Variants in GAB2 observed in about 807,000 individuals in gnomAD.
GAB2 encodes the protein GRB2-associated-binding protein 2.
GAB2 carries 26 observed loss-of-function variants against 65.5 expected under a neutral mutation model. The ratio of observed to expected loss-of-function variants is 0.40; its 90% CI spans 0.29 to 0.55. GAB2 has a LOEUF of 0.55. Ranked by LOEUF, GAB2 falls within the 20% of genes least tolerant of loss-of-function variation. The pLI is 0.53. For missense variants in GAB2, 884 were observed against 875.8 expected, an observed-to-expected ratio of 1.01 and a Z score of -0.12; for synonymous variants, 321 against 329.6, an observed-to-expected ratio of 0.97 and a Z score of 0.28.
intron 1 of GAB2, among the ~76,000 whole-genome samples, chr11:78,370,601 C>T (rs1427532141): frequency 6.6e-6 from 1 of 152,068 alleles, no homozygotes; most frequent in Non-Finnish European, 1.5e-5. Context: ...GAAACCAAGG[C>T]TATATGCATC....
At chr11:78,397,669 G>T (rs1024523994) in intron 1 of GAB2, among the ~76,000 whole-genome samples, 1 of 151,954 alleles carries the variant, frequency 6.6e-6, no homozygotes, top group African/African-American at 2.4e-5. Context: ...AATCTCTTCC[G>T]GACTCCTATG....
At chr11:78,366,189 G>C (rs758034518) in intron 1 of GAB2, among the ~76,000 whole-genome samples, 1 of 152,194 alleles carries the variant, frequency 6.6e-6, no homozygotes, top group Admixed American at 6.5e-5. Context: ...ACATTATCAA[G>C]TATTAGCTGT....
intron 1 of GAB2, among the ~76,000 whole-genome samples, chr11:78,303,387 A>G (rs952405413): frequency 6.6e-6 from 1 of 152,194 alleles, no homozygotes; most frequent in Non-Finnish European, 1.5e-5. Context: ...TTACACATGG[A>G]TATCCAGCTG....
At position 78,309,926 on chromosome 11, in the gene GAB2, A is replaced by ATGTGTG. The variant is rs60718900; in HGVS notation, c.76-29031_76-29026dup. On this transcript the variant is annotated intron_variant, in intron 1 of 9. Coordinates refer to ENST00000361507, the MANE Select transcript of GAB2 (RefSeq NM_080491.3). The stretch of plus-strand genomic sequence containing the variant: ...CGGTTCACTTTGGGGAGGGTTAGAA[A>ATGTGTG]TGTGTGTGTGTGTGTGTGTGTGTGT... 4.3e-3 allele frequency among the ~76,000 whole-genome samples: 587 copies of ATGTGTG among 135,682 alleles called. 1 individual carries two copies. Among genetic ancestry groups the ATGTGTG allele is most frequent in the Middle Eastern group, 0.015 (4 of 264 alleles). 89.0% of individuals were successfully genotyped at this position (135,682 alleles called of 152,430 possible). A position where few individuals can be genotyped will look rare whatever the true frequency, so the allele number is the denominator to read the frequency against.
Position 78,219,014 on chromosome 11 carries a change from CCTAA to C in GAB2, c.*254_*257del, listed in dbSNP as rs1394049037. On this transcript the variant is annotated 3_prime_UTR_variant, in exon 10 of 10. Coordinates refer to ENST00000361507, the MANE Select transcript of GAB2 (RefSeq NM_080491.3). ...TGAAGGATGCTTTTTGGAAGTAGCTCCTAACTAAGGTGGGTGGAGGCATGGCCAT... is the reference window on the plus strand; with the variant it reads ...TGAAGGATGCTTTTTGGAAGTAGCTCCTAAGGTGGGTGGAGGCATGGCCAT... The C allele has an allele frequency of 1.8e-5, 8 of 456,624 alleles. No individual in the cohort carries two copies. Among genetic ancestry groups the C allele is most frequent in the Non-Finnish European group, 3.1e-5 (8 of 255,486 alleles). 28.3% of individuals were successfully genotyped at this position (456,624 alleles called of 1,614,324 possible).
intron 9 of GAB2, 144 bp from the exon 10 acceptor site, chr11:78,219,559 T>TGA (rs1303743423): frequency 1.4e-6 from 1 of 718,802 alleles, no homozygotes; most frequent in Non-Finnish European, 2.4e-6. Flanking sequence ...CTCAGGAGCC[T>TGA]GGCTTCTCTT....
Position 78,265,225 on chromosome 11 carries a change from A to ATATATATAT in GAB2, c.377-14826_377-14825insATATATATA, listed in dbSNP as rs1565132884. On this transcript the variant is annotated intron_variant, in intron 2 of 9. Transcript: ENST00000361507. ...CCACATATATATATATATATATATA[A>ATATATATAT]AAGCACTCTATAAATCATAAAGTGA... is the stretch of plus-strand genomic sequence containing the variant. 4.9e-5 allele frequency among the ~76,000 whole-genome samples: 4 copies of ATATATATAT among 82,052 alleles called. No homozygotes were observed. The Admixed American group carries it at 4.9e-4, about 10-fold the overall frequency. 53.8% of individuals were successfully genotyped at this position (82,052 alleles called of 152,430 possible).
At chr11:78,304,553 T>C (rs551534494) in intron 1 of GAB2, among the ~76,000 whole-genome samples, 11 of 152,296 alleles carry the variant, frequency 7.2e-5, no homozygotes, top group African/African-American at 1.4e-4. Flanking sequence ...AGAAATATTT[T>C]TCCTGAAGTT....
intron 1 of GAB2, among the ~76,000 whole-genome samples, chr11:78,288,311 A>G (rs895500992): frequency 2.1e-5 from 3 of 145,510 alleles, no homozygotes; most frequent in African/African-American, 7.5e-5. Context: ...CCCAGGAGGT[A>G]GAGGTTTCAG....
At chr11:78,395,515 G>A (rs2135071317) in intron 1 of GAB2, among the ~76,000 whole-genome samples, 1 of 152,340 alleles carries the variant, frequency 6.6e-6, no homozygotes, top group East Asian at 1.9e-4. Context: ...AGCCTGGTTA[G>A]AGTAACAGGA....
chr11:78,323,053 G>A (rs1855755709), intron 1 of GAB2, among the ~76,000 whole-genome samples: 1 of 152,170 alleles, frequency 6.6e-6, no homozygotes, highest in Admixed American at 6.5e-5. Context: ...CAACAGCAAA[G>A]ACAGGGAATC....
At chr11:78,410,322 G>A (rs1002672855) in intron 1 of GAB2, among the ~76,000 whole-genome samples, 3 of 152,090 alleles carry the variant, frequency 2.0e-5, no homozygotes, top group African/African-American at 7.2e-5. Flanking sequence ...TGGCCAATAT[G>A]GTGAAACCCT....
chr11:78,215,775 C>T lies in GAB2; in HGVS notation c.*3497G>A, dbSNP rs1051853882. 1.3e-5 allele frequency: 2 copies of T among 152,528 alleles called. No homozygotes were observed. The highest frequency in any genetic ancestry group is 6.6e-5 in the Admixed American group (1 of 15,260). 9.4% of individuals were successfully genotyped at this position (152,528 alleles called of 1,614,324 possible). A position where few individuals can be genotyped will look rare whatever the true frequency, so the allele number is the denominator to read the frequency against. ...GGCTAGTCCCAGAAAGACGACCCCC[C>T]ACGGAAGGGCTTTAGCGCTCCTGAG... On this transcript the variant is annotated 3_prime_UTR_variant, in exon 10 of 10. Coordinates refer to ENST00000361507, the MANE Select transcript of GAB2 (RefSeq NM_080491.3).
chr11:78,247,938 G>T (rs1445700918), intron 3 of GAB2, among the ~76,000 whole-genome samples: 3 of 152,144 alleles, frequency 2.0e-5, no homozygotes, highest in African/African-American at 7.2e-5. Flanking sequence ...TGAAAACCAT[G>T]ACAGAGAAGA....
At chr11:78,380,481 G>A (rs561207515) in intron 1 of GAB2, among the ~76,000 whole-genome samples, 1 of 152,320 alleles carries the variant, frequency 6.6e-6, no homozygotes, top group Non-Finnish European at 1.5e-5. Flanking sequence ...TGGGATTACA[G>A]GAATGAGAAC....
At chr11:78,309,640 A>G (rs1232841109) in intron 1 of GAB2, among the ~76,000 whole-genome samples, 1 of 151,802 alleles carries the variant, frequency 6.6e-6, no homozygotes, top group Non-Finnish European at 1.5e-5. Flanking sequence ...CCTGGCTAAT[A>G]TTTTTTTAAA....
chr11:78,242,477 G>A (rs985115235), intron 3 of GAB2, among the ~76,000 whole-genome samples: 1 of 151,802 alleles, frequency 6.6e-6, no homozygotes, highest in Admixed American at 6.6e-5. Context: ...ACTCCAGCCT[G>A]GGCGACAGAG....
intron 1 of GAB2, among the ~76,000 whole-genome samples, chr11:78,313,674 GCAGGCT>G (rs1565155473): frequency 6.6e-6 from 1 of 152,220 alleles, no homozygotes; most frequent in Non-Finnish European, 1.5e-5. Flanking sequence ...TTTTCTGGGA[GCAGGCT>G]CATTACTGCC....
intron 1 of GAB2, among the ~76,000 whole-genome samples, chr11:78,285,314 T>C (rs1021803834): frequency 6.6e-6 from 1 of 152,212 alleles, no homozygotes; most frequent in African/African-American, 2.4e-5. Context: ...CTACAGATAA[T>C]ATCAGAGCCT....
Sources: gnomAD v4.1 joint callset for allele counts (sites outside exome capture counted in the v4.1 genomes callset) on GRCh38, gnomAD v4.1.1 for gene constraint, MANE v1.5 for transcripts, NCBI Gene and HGNC (gene_info 2026-07-23, HGNC 2026-07-21) for gene names.